PCDHGB4: variants seen among roughly 807,000 people sequenced by gnomAD.
The protein encoded by PCDHGB4 is protocadherin gamma subfamily B, 4.
Under a neutral mutation model 60.5 loss-of-function variants are expected in PCDHGB4, and 38 were observed. The observed-to-expected ratio is 0.63, with a 90% CI of 0.48 to 0.82. The LOEUF (loss-of-function observed/expected upper bound fraction) is 0.82. Ranked by LOEUF, PCDHGB4 falls within the 40% of genes least tolerant of loss-of-function variation. The probability of loss-of-function intolerance (pLI) is 0.00; values close to 1 mark genes in which losing one functional copy is unlikely to be tolerated. For missense variants in PCDHGB4, 1,109 were observed against 1,209.6 expected (o/e 0.92, Z 1.23); for synonymous variants, 456 against 509.7 (o/e 0.89, Z 1.42).
chr5:141,398,910 G>T, intron 1 of PCDHGB4: 1 of 1,613,972 alleles, frequency 6.2e-7, no homozygotes, highest in Non-Finnish European at 8.5e-7. Flanking sequence ...GCACCACTGT[G>T]TTGCAAGTGT....
In PCDHGB4 at chr5:141,490,639, C is replaced by T. The variant is rs1345892739; in HGVS notation, c.2398-4168C>T. 25 of 1,614,200 alleles carry T rather than the reference C, an allele frequency of 1.5e-5. No homozygotes were observed. Among genetic ancestry groups the T allele is most frequent in the East Asian group, 2.2e-5 (1 of 44,878 alleles). ...TTACACTGCTTACATCCTAGAAAAC[C>T]GGCCTCCGGGCTCCCTTCTTTGCAC... On this transcript the variant is annotated intron_variant, in intron 1 of 3. Transcript: ENST00000519479. This position sits in a 1 kb window ranked among gnomAD's most constrained non-coding sequence, Gnocchi z 5.4.
At chr5:141,392,815 T>C (rs1361544072) in intron 1 of PCDHGB4, 8 of 1,586,560 alleles carry the variant, frequency 5.0e-6, no homozygotes, top group East Asian at 2.2e-5. Flanking sequence ...AAAACAACAA[T>C]GGCCGCTCCA....
At chr5:141,428,836 C>T (rs926107154) in intron 1 of PCDHGB4, 1 of 150,686 alleles carries the variant, frequency 6.6e-6, no homozygotes, top group African/African-American at 2.5e-5. Context: ...ATTTTTGAAA[C>T]ATTTTCACCA....
chr5:141,431,364 G>A lies in PCDHGB4; in HGVS notation c.2397+41083G>A. 1 of 1,614,010 alleles carries A rather than the reference G, an allele frequency of 6.2e-7. No homozygotes were observed. The highest frequency in any genetic ancestry group is 8.5e-7 in the Non-Finnish European group (1 of 1,180,022). On this transcript the variant is annotated intron_variant, in intron 1 of 3. Coordinates refer to ENST00000519479, the MANE Select transcript of PCDHGB4 (RefSeq NM_003736.4). This position sits in a 1 kb window ranked among gnomAD's most constrained non-coding sequence, Gnocchi z 4.8. ...TTGGTGCTGAAACGCGCCCTGGACCGCGAAGAAAAGGCTGCTCACCACCTG... is the reference window on the plus strand; with the variant it reads ...TTGGTGCTGAAACGCGCCCTGGACCACGAAGAAAAGGCTGCTCACCACCTG...
chr5:141,432,945 G>A lies in PCDHGB4; in HGVS notation c.2397+42664G>A, dbSNP rs761055026. On this transcript the variant is annotated intron_variant, in intron 1 of 3. Transcript: ENST00000519479. This position sits in a 1 kb window ranked among gnomAD's most constrained non-coding sequence, Gnocchi z 6.0. ...AAGTCACGCCTGCTGCAGGCTTCAGGAGGCGGCTTGACAGGAGCGCCGGCG... is the reference window on the plus strand; with the variant it reads ...AAGTCACGCCTGCTGCAGGCTTCAGAAGGCGGCTTGACAGGAGCGCCGGCG... 3 of 1,614,218 alleles carry A rather than the reference G, an allele frequency of 1.9e-6. No individual in the cohort carries two copies. The highest frequency in any genetic ancestry group is 2.5e-6 in the Non-Finnish European group (3 of 1,180,058).
chr5:141,471,626 G>A (rs938624727), intron 1 of PCDHGB4: 2 of 152,108 alleles, frequency 1.3e-5, no homozygotes, highest in South Asian at 4.1e-4. Context: ...GTAAGCATTG[G>A]TATGGATTAG....
chr5:141,393,356 C>G (rs1174239790), intron 1 of PCDHGB4: 3 of 1,613,978 alleles, frequency 1.9e-6, no homozygotes, highest in East Asian at 2.2e-5. Context: ...TCTCCCTGGA[C>G]GTGCAGACTG....
chr5:141,506,584 G>A (rs1413313164), intron 3 of PCDHGB4, among the ~76,000 whole-genome samples: 1 of 152,098 alleles, frequency 6.6e-6, no homozygotes, highest in African/African-American at 2.4e-5. Context: ...ACTATTAATG[G>A]GCACAGTATT....
At chr5:141,423,328 G>C (rs1308803675) in intron 1 of PCDHGB4, 1 of 1,614,194 alleles carries the variant, frequency 6.2e-7, no homozygotes, top group African/African-American at 1.3e-5. Flanking sequence ...GGTGGCCGCA[G>C]TCTCCTGCAT....
At chr5:141,404,769 A>G in intron 1 of PCDHGB4, 2 of 1,611,124 alleles carry the variant, frequency 1.2e-6, no homozygotes, top group Non-Finnish European at 1.7e-6. Flanking sequence ...TGGCTCTCCT[A>G]CCGCCTATTC....
rs747174609 is a variant in PCDHGB4 at position 141,390,140 on chromosome 5, A to G, written c.2256A>G (p.Leu752=). 57 of 1,613,798 alleles carry G rather than the reference A, an allele frequency of 3.5e-5. No homozygotes were observed. Among genetic ancestry groups the G allele is most frequent in the Middle Eastern group, 1.6e-4 (1 of 6,084 alleles). ...SEGTLPYSYN[L]CVAHTGKTEF... ...GGACTTTGCCTTATTCCTACAATCT[A>G]TGTGTTGCACATACAGGAAAGACGG... The change falls in exon 1 of 4, where the codon CTA becomes CTG. Residue 752 remains leucine, a synonymous_variant. Coordinates refer to ENST00000519479, the MANE Select transcript of PCDHGB4 (RefSeq NM_003736.4).
chr5:141,443,947 T>C (rs2098410978), intron 1 of PCDHGB4, among the ~76,000 whole-genome samples: 1 of 152,082 alleles, frequency 6.6e-6, no homozygotes, highest in Non-Finnish European at 1.5e-5. Flanking sequence ...GGTTTCCTTA[T>C]TGGTATGTAT....
At chr5:141,409,828 C>G in intron 1 of PCDHGB4, 1 of 1,611,128 alleles carries the variant, frequency 6.2e-7, no homozygotes, top group Non-Finnish European at 8.5e-7. Flanking sequence ...CGCCCACGCT[C>G]AGCGCCAACG....
chr5:141,460,270 C>G (rs1223096441), intron 1 of PCDHGB4, among the ~76,000 whole-genome samples: 1 of 151,828 alleles, frequency 6.6e-6, no homozygotes, highest in Non-Finnish European at 1.5e-5. Context: ...TTTATTTTTT[C>G]TTTTATAGTT....
chr5:141,485,886 A>G lies in PCDHGB4; in HGVS notation c.2398-8921A>G. 1.9e-6 allele frequency: 3 copies of G among 1,614,132 alleles called. No individual in the cohort carries two copies. Among genetic ancestry groups the G allele is most frequent in the Non-Finnish European group, 2.5e-6 (3 of 1,180,016 alleles). On this transcript the variant is annotated intron_variant, in intron 1 of 3. Transcript: ENST00000519479. This position sits in a 1 kb window ranked among gnomAD's most constrained non-coding sequence, Gnocchi z 5.7. ...GTATCCGTGCTGGACGTAAACGACAACGCCCCAGCCTTCCAGCAATCCAGC... is the reference window on the plus strand; with the variant it reads ...GTATCCGTGCTGGACGTAAACGACAGCGCCCCAGCCTTCCAGCAATCCAGC...
chr5:141,401,106 G>A (rs1259844433), intron 1 of PCDHGB4, among the ~76,000 whole-genome samples: 5 of 152,208 alleles, frequency 3.3e-5, no homozygotes, highest in African/African-American at 9.6e-5. Context: ...CACTTTGGGA[G>A]GCCGAGGCGG....
Position 141,485,373 on chromosome 5 carries a change from C to T in PCDHGB4, c.2398-9434C>T. 2 of 1,614,136 alleles carry T rather than the reference C, an allele frequency of 1.2e-6. No homozygotes were observed. Among genetic ancestry groups the T allele is most frequent in the East Asian group, 2.2e-5 (1 of 44,868 alleles). On this transcript the variant is annotated intron_variant, in intron 1 of 3. Transcript: ENST00000519479. This position sits in a 1 kb window ranked among gnomAD's most constrained non-coding sequence, Gnocchi z 5.7. ...CTGTCAGCTCGCAGGCTGCAGGTCG[C>T]TGGAGAGGTGAACCAAAGACACTTC... is the stretch of plus-strand genomic sequence containing the variant.
intron 1 of PCDHGB4, among the ~76,000 whole-genome samples, chr5:141,456,679 T>C (rs1357662868): frequency 2.0e-5 from 3 of 152,104 alleles, no homozygotes; most frequent in Non-Finnish European, 2.9e-5. Flanking sequence ...AAAAATGCAT[T>C]ACTGGCCAGG....
chr5:141,441,823 C>A (rs538052540), intron 1 of PCDHGB4: 6 of 357,336 alleles, frequency 1.7e-5, no homozygotes, highest in South Asian at 7.1e-5. Flanking sequence ...AGCTCTGGAG[C>A]GCAATGGCTT....
Sources: allele counts gnomAD v4.1 joint callset (sites outside exome capture counted in the v4.1 genomes callset), GRCh38; gene constraint gnomAD v4.1.1; non-coding constraint Gnocchi (gnomAD v3.1); transcripts MANE v1.5; gene names NCBI Gene and HGNC (gene_info 2026-07-23, HGNC 2026-07-21).